TAOK1: variants seen among roughly 807,000 people sequenced by gnomAD.
TAOK1 encodes serine/threonine-protein kinase TAO1.
In TAOK1, 21 loss-of-function variants were observed where a neutral mutation model predicts 138.3. The observed-to-expected ratio is 0.15, with a 90% CI of 0.11 to 0.22. The LOEUF (loss-of-function observed/expected upper bound fraction) is 0.22, where lower values mean the gene tolerates loss of function less well. Ranked by LOEUF, TAOK1 falls within the 10% of genes least tolerant of loss-of-function variation. The pLI, the probability that TAOK1 is intolerant of heterozygous loss-of-function variation, is 1.00. For synonymous variants in TAOK1, 361 were observed against 398.4 expected (o/e 0.91, Z 1.12); for missense variants, 651 against 1,227.7 (o/e 0.53, Z 7.02).
rs191519186 is a variant in TAOK1 at position 29,394,103 on chromosome 17, G to A, written c.-95+3079G>A. ...TAGTTACAGGATACTAGAAAGACTG[G>A]ATGCTCATAACTAACCATGAGTATG... On this transcript the variant is annotated intron_variant, in intron 1 of 19. Coordinates refer to ENST00000261716, the MANE Select transcript of TAOK1 (RefSeq NM_020791.4). Among the ~76,000 whole-genome samples, 364 of 146,608 alleles carry A rather than the reference G, an allele frequency of 2.5e-3. 3 individuals carry two copies. The highest frequency in any genetic ancestry group is 8.1e-3 in the African/African-American group (324 of 39,936).
intron 1 of TAOK1, among the ~76,000 whole-genome samples, 176 bp from the exon 2 acceptor site, chr17:29,451,279 G>T (rs1019176200): frequency 5.9e-5 from 9 of 152,118 alleles, no homozygotes; most frequent in African/African-American, 2.4e-5. Flanking sequence ...TGTTTTTGAA[G>T]TACCATGGTG....
chr17:29,511,223 TTATTTTA>T, intron 15 of TAOK1: 1 of 232,686 alleles, frequency 4.3e-6, no homozygotes. Flanking sequence ...TTTTATGTTT[TTATTTTA>T]TATTTATTTA....
intron 11 of TAOK1, among the ~76,000 whole-genome samples, chr17:29,498,081 CTTTG>C (rs993033561): frequency 6.6e-6 from 1 of 152,116 alleles, no homozygotes; most frequent in East Asian, 1.9e-4. Flanking sequence ...GATCAGCTGA[CTTTG>C]TTTTAGACAG....
chr17:29,451,698 G>A lies in TAOK1; in HGVS notation c.132+18G>A. ...TGTATTTTGTAAGTGTTAGTGGCTTGATGTCAGTGACTAAAATTTACTTAA... is the reference window on the plus strand; with the variant it reads ...TGTATTTTGTAAGTGTTAGTGGCTTAATGTCAGTGACTAAAATTTACTTAA... On this transcript the variant is annotated intron_variant, in intron 2 of 19. Coordinates refer to ENST00000261716, the MANE Select transcript of TAOK1 (RefSeq NM_020791.4). 1.9e-6 allele frequency: 3 copies of A among 1,603,996 alleles called. No individual in the cohort carries two copies. Among genetic ancestry groups the A allele is most frequent in the Non-Finnish European group, 2.6e-6 (3 of 1,176,264 alleles).
At chr17:29,430,397 G>T (rs1425497917) in intron 1 of TAOK1, among the ~76,000 whole-genome samples, 3 of 152,188 alleles carry the variant, frequency 2.0e-5, no homozygotes. Flanking sequence ...CTGATGTGAA[G>T]TTACAAAGGT....
intron 15 of TAOK1, among the ~76,000 whole-genome samples, chr17:29,517,136 G>A (rs1460386799): frequency 6.6e-6 from 1 of 151,972 alleles, no homozygotes; most frequent in Non-Finnish European, 1.5e-5. Context: ...ACGGGCACCC[G>A]CCACCATGCC....
At chr17:29,410,793 G>A (rs1256458156) in intron 1 of TAOK1, among the ~76,000 whole-genome samples, 2 of 149,412 alleles carry the variant, frequency 1.3e-5, no homozygotes, top group East Asian at 4.0e-4. Flanking sequence ...CCACCACCAC[G>A]CCTGGCTAAC....
At chr17:29,468,912 G>A (rs947285554) in intron 3 of TAOK1, among the ~76,000 whole-genome samples, 4 of 152,220 alleles carry the variant, frequency 2.6e-5, no homozygotes, top group Admixed American at 2.0e-4. Context: ...TAATCAACAT[G>A]AATGTATATC....
chr17:29,407,460 T>G (rs1267936257), intron 1 of TAOK1, among the ~76,000 whole-genome samples: 1 of 152,144 alleles, frequency 6.6e-6, no homozygotes, highest in East Asian at 1.9e-4. Flanking sequence ...TTTTATATTT[T>G]TTTGAGACAG....
intron 13 of TAOK1, among the ~76,000 whole-genome samples, chr17:29,504,550 A>G (rs527936614): frequency 6.6e-6 from 1 of 151,712 alleles, no homozygotes; most frequent in South Asian, 2.1e-4. Flanking sequence ...GGCACCTGTA[A>G]TCCCGGCTAC....
rs1299812853 is a variant in TAOK1 at position 29,546,684 on chromosome 17, T to C, written c.*3662T>C. ...TAAATATGCACATTTTTGGTATAGC[T>C]ATTATCATTTGTATGTATATATTGT... On this transcript the variant is annotated 3_prime_UTR_variant, in exon 20 of 20. Coordinates refer to ENST00000261716, the MANE Select transcript of TAOK1 (RefSeq NM_020791.4). 6.6e-6 allele frequency: 1 copy of C among 152,150 alleles called. No individual in the cohort carries two copies. The highest frequency in any genetic ancestry group is 6.5e-5 in the Admixed American group (1 of 15,276). The allele number at this position is 152,150 out of a possible 1,614,324, so 9.4% of individuals were successfully genotyped here. A position where few individuals can be genotyped will look rare whatever the true frequency, so the allele number is the denominator to read the frequency against.
intron 1 of TAOK1, among the ~76,000 whole-genome samples, chr17:29,448,646 C>T (rs1472942895): frequency 1.3e-5 from 2 of 152,138 alleles, no homozygotes; most frequent in Non-Finnish European, 2.9e-5. Context: ...AGTTGCTATT[C>T]TGCATTTTCT....
At chr17:29,417,475 A>G (rs917494254) in intron 1 of TAOK1, among the ~76,000 whole-genome samples, 2 of 152,216 alleles carry the variant, frequency 1.3e-5, no homozygotes, top group Admixed American at 6.5e-5. Context: ...TCTTAAATGT[A>G]CAACAGGCTC....
intron 1 of TAOK1, among the ~76,000 whole-genome samples, chr17:29,399,274 G>A (rs544179207): frequency 6.6e-6 from 1 of 151,480 alleles, no homozygotes; most frequent in South Asian, 2.1e-4. Flanking sequence ...TAATATTTAA[G>A]GATGAGTTGC....
chr17:29,421,349 T>C (rs1395967021), intron 1 of TAOK1, among the ~76,000 whole-genome samples: 1 of 152,234 alleles, frequency 6.6e-6, no homozygotes, highest in Non-Finnish European at 1.5e-5. Context: ...TGTAAATGTT[T>C]TGTTGCAATT....
intron 1 of TAOK1, among the ~76,000 whole-genome samples, chr17:29,394,710 A>G (rs1433006422): frequency 6.6e-6 from 1 of 152,208 alleles, no homozygotes; most frequent in African/African-American, 2.4e-5. Context: ...TACTAATTTA[A>G]TCTTTTAGAA....
chr17:29,446,737 C>CTTTTTTTTTTTTTT (rs34871616), intron 1 of TAOK1, among the ~76,000 whole-genome samples: 1 of 119,880 alleles, frequency 8.3e-6, no homozygotes, highest in African/African-American at 3.3e-5. Flanking sequence ...TTTTACTGTA[C>CTTTTTTTTTTTTTT]TTTTTTTTTT....
chr17:29,528,316 G>A (rs889946252), intron 17 of TAOK1, among the ~76,000 whole-genome samples: 2 of 152,110 alleles, frequency 1.3e-5, no homozygotes, highest in Non-Finnish European at 2.9e-5. Flanking sequence ...CCAAAGTGCT[G>A]GGATTGCAGG....
At chr17:29,450,507 C>T (rs1252202237) in intron 1 of TAOK1, among the ~76,000 whole-genome samples, 4 of 151,596 alleles carry the variant, frequency 2.6e-5, no homozygotes, top group African/African-American at 4.8e-5. Context: ...ATTATGACAT[C>T]CAGTTTTGTT....
Sources: gnomAD v4.1 joint callset for allele counts (sites outside exome capture counted in the v4.1 genomes callset) on GRCh38, gnomAD v4.1.1 for gene constraint, MANE v1.5 for transcripts, NCBI Gene and HGNC (gene_info 2026-07-23, HGNC 2026-07-21) for gene names.